Variants in HYCC1 observed in about 807,000 individuals in gnomAD.
HYCC1 encodes hyccin PI4KA lipid kinase complex subunit 1.
At chr7:22,956,988 G>C in the HYCC1 span, among the ~76,000 whole-genome samples, 1 of 151,518 alleles carries the variant, frequency 6.6e-6, no homozygotes, top group Non-Finnish European at 1.5e-5. Context: ...TTAACCTTAA[G>C]AAAAAAATGG....
the HYCC1 span, among the ~76,000 whole-genome samples, chr7:22,925,338 CTT>C: frequency 6.6e-6 from 1 of 152,150 alleles, no homozygotes; most frequent in Non-Finnish European, 1.5e-5. Context: ...CGGAGAATAA[CTT>C]TGATGAGTTG....
the HYCC1 span, chr7:22,945,356 G>GA: frequency 6.2e-5 from 35 of 561,196 alleles, no homozygotes; most frequent in East Asian, 8.9e-5. Context: ...TAAGAGGAGG[G>GA]AAAAAAAAGA....
the HYCC1 span, among the ~76,000 whole-genome samples, chr7:22,989,801 A>G: frequency 6.6e-6 from 1 of 152,218 alleles, no homozygotes. Context: ...CATCAGGATT[A>G]GATAAAAGAG....
At chr7:22,954,409 T>C in the HYCC1 span, among the ~76,000 whole-genome samples, 3 of 151,304 alleles carry the variant, frequency 2.0e-5, no homozygotes, top group South Asian at 6.3e-4. Flanking sequence ...TTTATTCTTT[T>C]CTTTTTTCAT....
chr7:23,008,845 T>C, the HYCC1 span, among the ~76,000 whole-genome samples: 2 of 151,922 alleles, frequency 1.3e-5, no homozygotes, highest in African/African-American at 2.4e-5. Flanking sequence ...ACACTGCAAA[T>C]AGACTAAAGA....
chr7:22,914,402 C>T, the HYCC1 span, among the ~76,000 whole-genome samples: 1 of 152,238 alleles, frequency 6.6e-6, no homozygotes, highest in East Asian at 1.9e-4. Flanking sequence ...ATTCCCCCTT[C>T]TTCTCCCTTA....
chr7:22,914,409 C>T, the HYCC1 span, among the ~76,000 whole-genome samples: 425 of 152,318 alleles, frequency 2.8e-3, 2 homozygotes, highest in African/African-American at 9.8e-3. Flanking sequence ...CTTCTTCTCC[C>T]TTAGCCTGTG....
At chr7:22,927,604 C>T in the HYCC1 span, among the ~76,000 whole-genome samples, 7 of 152,064 alleles carry the variant, frequency 4.6e-5, no homozygotes, top group Admixed American at 1.3e-4. Flanking sequence ...ATAAATTCCT[C>T]GACACATACA....
chr7:22,939,986 T>C, the HYCC1 span: 1 of 152,204 alleles, frequency 6.6e-6, no homozygotes, highest in Non-Finnish European at 1.5e-5. Flanking sequence ...ATCTTGATAT[T>C]AACAAAGTCG....
chr7:22,896,730 T>TC, the HYCC1 span, among the ~76,000 whole-genome samples: 10 of 152,232 alleles, frequency 6.6e-5, no homozygotes, highest in Non-Finnish European at 1.3e-4. Flanking sequence ...GTATTTTTTT[T>TC]CCTCTTCCCA....
At chr7:22,987,474 G>A in the HYCC1 span, among the ~76,000 whole-genome samples, 1 of 152,212 alleles carries the variant, frequency 6.6e-6, no homozygotes, top group African/African-American at 2.4e-5. Flanking sequence ...CTTGAACCCA[G>A]GAGGTGGAGG....
the HYCC1 span, chr7:22,978,133 T>C: frequency 2.6e-6 from 2 of 774,788 alleles, no homozygotes; most frequent in African/African-American, 3.5e-5. Flanking sequence ...CAGAAAGTTA[T>C]ATTTGGAAGA....
the HYCC1 span, among the ~76,000 whole-genome samples, chr7:22,991,987 T>C: frequency 1.3e-5 from 2 of 152,104 alleles, no homozygotes; most frequent in African/African-American, 4.8e-5. Flanking sequence ...GGGTAAGATA[T>C]ATTTGCCTTA....
the HYCC1 span, among the ~76,000 whole-genome samples, chr7:22,982,713 T>G: frequency 1.3e-5 from 2 of 152,132 alleles, no homozygotes. Context: ...CTAGTCTTCT[T>G]GCATTCCCCA....
At chr7:22,960,145 C>A in the HYCC1 span, 1 of 1,197,986 alleles carries the variant, frequency 8.3e-7, no homozygotes, top group Middle Eastern at 2.1e-4. Flanking sequence ...CTCCACAGCT[C>A]TTTCTTCCAG....
At chr7:22,957,174 A>G in the HYCC1 span, among the ~76,000 whole-genome samples, 148,024 of 151,944 alleles carry the variant, frequency 0.97, 72,128 homozygotes, top group East Asian at 1. Context: ...GAGAATAAAT[A>G]TCCATTAATT....
chr7:22,901,000 C>A, the HYCC1 span, among the ~76,000 whole-genome samples: 2 of 151,790 alleles, frequency 1.3e-5, no homozygotes, highest in African/African-American at 4.8e-5. Flanking sequence ...CAGGCAGATT[C>A]CTTGAGCCCA....
At chr7:22,987,836 G>A in the HYCC1 span, among the ~76,000 whole-genome samples, 1 of 152,014 alleles carries the variant, frequency 6.6e-6, no homozygotes, top group East Asian at 1.9e-4. Context: ...GTTTCTTTCA[G>A]TTCACTTACT....
chr7:22,924,389 C>T, the HYCC1 span, among the ~76,000 whole-genome samples: 4 of 152,204 alleles, frequency 2.6e-5, no homozygotes, highest in South Asian at 8.3e-4. Flanking sequence ...CGAGGCATTG[C>T]CTCACCCGGG....
Sources: gnomAD v4.1 joint callset for allele counts (sites outside exome capture counted in the v4.1 genomes callset) on GRCh38, gnomAD v4.1.1 for gene constraint, MANE v1.5 for transcripts, NCBI Gene and HGNC (gene_info 2026-07-23, HGNC 2026-07-21) for gene names.